Variants in ZNF543 observed in about 807,000 individuals in gnomAD.
The protein encoded by ZNF543 is zinc finger protein 543.
ZNF543 carries 10 observed loss-of-function variants against 13.4 expected under a neutral mutation model. That is an observed-to-expected ratio of 0.75 (90% confidence interval 0.46 to 1.26). The LOEUF (loss-of-function observed/expected upper bound fraction) is 1.26. ZNF543 is among the 50% of genes most tolerant of loss of function. The pLI, the probability that ZNF543 is intolerant of heterozygous loss-of-function variation, is 0.00. For synonymous variants in ZNF543, 272 were observed against 264.7 expected (o/e 1.03, Z -0.27); for missense variants, 768 against 741.2 (o/e 1.04, Z -0.42).
chr19:57,321,693 T>C (rs1334045913), intron 1 of ZNF543, among the ~76,000 whole-genome samples: 1 of 152,234 alleles, frequency 6.6e-6, no homozygotes, highest in Non-Finnish European at 1.5e-5. Context: ...TACATCACTG[T>C]AGCTCTTAAG....
At chr19:57,325,521 G>A (rs1209853454) in intron 2 of ZNF543, among the ~76,000 whole-genome samples, 1 of 152,120 alleles carries the variant, frequency 6.6e-6, no homozygotes, top group African/African-American at 2.4e-5. Flanking sequence ...GGGTTGGTGG[G>A]TGTCAAGCCA....
In ZNF543 at chr19:57,323,820, T is replaced by G. The variant is rs771058770; in HGVS notation, c.145+12T>G. 3 of 1,609,642 alleles carry G rather than the reference T, an allele frequency of 1.9e-6. No homozygotes were observed. Among genetic ancestry groups the G allele is most frequent in the Non-Finnish European group, 2.5e-6 (3 of 1,177,224 alleles). On this transcript the variant is annotated intron_variant, in intron 2 of 3. Transcript: ENST00000321545. ...TCTCATGTCTCTGGGTAAGGCCCCT[T>G]CTGGTCCTGTGCTCCCTTAGGATTG...
Position 57,327,796 on chromosome 19 carries a change from G to C in ZNF543, c.334G>C (p.Ala112Pro), listed in dbSNP as rs34884181. The change falls in exon 4 of 4, where the codon GCC becomes CCC. Residue 112 changes from alanine (A) to proline (P), a missense_variant. Ala to Pro is a conservative substitution (Grantham distance 27, BLOSUM62 -1). Transcript: ENST00000321545. ...ACTCCAGGAACAACTGACACAAGGA[G>C]CCTCAAAGAACTCCCAATTAGGGCA... The part of the protein sequence containing the change: ...VLLQEQLTQG[A>P]SKNSQLGQSK... 259 of 1,614,020 alleles carry C rather than the reference G, an allele frequency of 1.6e-4. No homozygotes were observed. The highest frequency in any genetic ancestry group is 3.5e-5 in the Non-Finnish European group (41 of 1,180,054).
intron 2 of ZNF543, among the ~76,000 whole-genome samples, chr19:57,325,699 A>C (rs10413499): frequency 6.6e-6 from 1 of 151,976 alleles, no homozygotes. Flanking sequence ...CCACGGGTGC[A>C]TGACACCACA....
intron 1 of ZNF543, among the ~76,000 whole-genome samples, chr19:57,322,399 T>C (rs2088095360): frequency 6.6e-6 from 1 of 151,276 alleles, no homozygotes; most frequent in South Asian, 2.1e-4. Flanking sequence ...CAGTGGCATG[T>C]GTCTGTATAT....
At chr19:57,322,221 G>C (rs1199670226) in intron 1 of ZNF543, among the ~76,000 whole-genome samples, 1 of 152,176 alleles carries the variant, frequency 6.6e-6, no homozygotes, top group African/African-American at 2.4e-5. Context: ...CTATGAGAAT[G>C]GGCATCTGTG....
In ZNF543 at chr19:57,329,079, G is replaced by A. The variant is rs769697131; in HGVS notation, c.1617G>A (p.Glu539=). 6.2e-7 allele frequency: 1 copy of A among 1,614,200 alleles called. No homozygotes were observed. Among genetic ancestry groups the A allele is most frequent in the Admixed American group, 1.7e-5 (1 of 60,022 alleles). ...GAGAGAAGCCGTATGAATGCAGTGA[G>A]TGTGGAAAGGCTTTTAATCGCGGCT... ...HTGEKPYECS[E]CGKAFNRGSS... Residue 539 remains glutamate, a synonymous_variant, in exon 4 of 4, where the codon GAG becomes GAA. Transcript: ENST00000321545.
chr19:57,322,120 G>A (rs769214987), intron 1 of ZNF543, among the ~76,000 whole-genome samples: 1 of 152,180 alleles, frequency 6.6e-6, no homozygotes, highest in Admixed American at 6.5e-5. Context: ...TGTGACTCTT[G>A]TTCCTTGCTC....
intron 2 of ZNF543, among the ~76,000 whole-genome samples, chr19:57,325,493 G>A (rs1043930626): frequency 2.6e-5 from 4 of 152,184 alleles, no homozygotes; most frequent in African/African-American, 9.6e-5. Context: ...AATAAGCTTA[G>A]TGGTAAGGCT....
chr19:57,329,127 G>C lies in ZNF543; in HGVS notation c.1665G>C (p.Arg555Ser). ...GCTCATCCCTCACACATCATCAAAG[G>C]ATTCATACTGGGAGAAACCCTACCA... ...NRGSSLTHHQ[R>S]IHTGRNPTIV... Residue 555 changes from arginine to serine, a missense_variant, in exon 4 of 4, where the codon AGG becomes AGC. Around this residue, in one of 3 missense-constraint regions of ZNF543, gnomAD observed 677 missense variants for 631.4 expected, o/e 1.07. Coordinates refer to ENST00000321545, the MANE Select transcript of ZNF543 (RefSeq NM_213598.4). 6 of 1,614,214 alleles carry C rather than the reference G, an allele frequency of 3.7e-6. No individual in the cohort carries two copies. Among genetic ancestry groups the C allele is most frequent in the Non-Finnish European group, 5.1e-6 (6 of 1,180,034 alleles).
intron 2 of ZNF543, among the ~76,000 whole-genome samples, chr19:57,324,219 C>T (rs1460809384): frequency 2.0e-5 from 3 of 151,892 alleles, no homozygotes; most frequent in Non-Finnish European, 2.9e-5. Context: ...GGTGTGATGG[C>T]GGGTGCCTGT....
rs982267319 is a variant in ZNF543 at position 57,329,648 on chromosome 19, G to A, written c.*383G>A. 4 of 162,132 alleles carry A rather than the reference G, an allele frequency of 2.5e-5. No individual in the cohort carries two copies. The highest frequency in any genetic ancestry group is 9.7e-5 in the African/African-American group (4 of 41,346). 10.0% of individuals were successfully genotyped at this position (162,132 alleles called of 1,614,324 possible). The stretch of plus-strand genomic sequence containing the variant: ...CTGCCTCAGCCTCCCAAGTAGCTGG[G>A]ACTACAGGCACCCGCCACTACGCCT... On this transcript the variant is annotated 3_prime_UTR_variant, in exon 4 of 4. Coordinates refer to ENST00000321545, the MANE Select transcript of ZNF543 (RefSeq NM_213598.4).
chr19:57,325,016 A>G (rs2122937796), intron 2 of ZNF543, among the ~76,000 whole-genome samples: 1 of 152,350 alleles, frequency 6.6e-6, no homozygotes, highest in South Asian at 2.1e-4. Context: ...TATTAGGAGT[A>G]AAGTTCTATG....
At chr19:57,320,949 C>T (rs943951472) in intron 1 of ZNF543, 78 bp downstream of exon 1, 5 of 1,583,250 alleles carry the variant, frequency 3.2e-6, no homozygotes, top group East Asian at 4.5e-5. Context: ...GCCAAGACAG[C>T]CACAGGATGT....
intron 1 of ZNF543, among the ~76,000 whole-genome samples, chr19:57,322,680 T>C (rs1333991511): frequency 6.6e-6 from 1 of 152,136 alleles, no homozygotes; most frequent in Non-Finnish European, 1.5e-5. Context: ...GGTAGACTAG[T>C]GGAGGTCCTG....
At chr19:57,326,877 A>G (rs63034562) in intron 3 of ZNF543, 149 bp downstream of exon 3, 16,602 of 210,536 alleles carry the variant, frequency 0.079, 330 homozygotes, top group Non-Finnish European at 0.11. Context: ...GCCCCCCCCC[A>G]CCCGCCTTCA....
Position 57,323,577 on chromosome 19 carries a change from T to G in ZNF543, c.19-105T>G, listed in dbSNP as rs371598599. 12 of 1,402,916 alleles carry G rather than the reference T, an allele frequency of 8.6e-6. No homozygotes were observed. In the African/African-American group the frequency reaches 1.6e-4, roughly 18 times the overall value. The allele number at this position is 1,402,916 out of a possible 1,614,324, so 86.9% of individuals were successfully genotyped here. On this transcript the variant is annotated intron_variant, in intron 1 of 3. Transcript: ENST00000321545. Reference sequence around the variant, plus strand: ...TGGCCCTCTAGAGATGCTTGGTGATTTGATTCTTGGGTCACTGCGCATCTT... The same window carrying G: ...TGGCCCTCTAGAGATGCTTGGTGATGTGATTCTTGGGTCACTGCGCATCTT...
intron 2 of ZNF543, among the ~76,000 whole-genome samples, chr19:57,324,468 GA>G (rs1568509093): frequency 6.6e-6 from 1 of 152,016 alleles, no homozygotes; most frequent in East Asian, 1.9e-4. Context: ...TAGCAATTGT[GA>G]CCTCTGTTGC....
rs1000102991 is a variant in ZNF543, at chr19:57,323,784, A to G, written c.121A>G (p.Thr41Ala). 3 of 1,613,006 alleles carry G rather than the reference A, an allele frequency of 1.9e-6. No homozygotes were observed. The highest frequency in any genetic ancestry group is 2.5e-6 in the Non-Finnish European group (3 of 1,179,442). Residue 41 changes from threonine to alanine, a missense_variant, in exon 2 of 4, where the codon ACC becomes GCC. Thr to Ala is a moderately conservative substitution (Grantham distance 58). This residue lies in a region of ZNF543 where 77 missense variants were observed against 75.5 expected (regional missense o/e 1.02). Transcript: ENST00000321545. The stretch of plus-strand genomic sequence containing the variant: ...CTTGTATCAGGAGGTGATGCTGGAG[A>G]CCTGCGGACTTCTCATGTCTCTGGG... ...RTLYQEVMLE[T>A]CGLLMSLGCP...
Sources: gnomAD v4.1 joint callset for allele counts (sites outside exome capture counted in the v4.1 genomes callset) on GRCh38, gnomAD v4.1.1 for gene constraint, gnomAD v4.1.1 regional missense constraint, MANE v1.5 for transcripts, NCBI Gene and HGNC (gene_info 2026-07-23, HGNC 2026-07-21) for gene names.